BMP6: variants seen among roughly 807,000 people sequenced by gnomAD.
BMP6 encodes VG-1-R.
Under a neutral mutation model 54.1 loss-of-function variants are expected in BMP6, and 17 were observed. The ratio of observed to expected loss-of-function variants is 0.31; its 90% CI spans 0.22 to 0.47. The LOEUF is 0.47. Ranked by LOEUF, BMP6 falls within the 20% of genes least tolerant of loss-of-function variation. The probability of loss-of-function intolerance (pLI) is 1.00; values close to 1 mark genes in which losing one functional copy is unlikely to be tolerated. For missense variants in BMP6, 720 were observed against 690.4 expected (o/e 1.04, Z -0.48); for synonymous variants, 328 against 291.2 (o/e 1.13, Z -1.28).
intron 1 of BMP6, among the ~76,000 whole-genome samples, chr6:7,825,204 C>T (rs528551401): frequency 1.4e-5 from 2 of 141,684 alleles, no homozygotes; most frequent in South Asian, 4.6e-4. Flanking sequence ...CCTCTAGTTC[C>T]AGGAGTTCAA....
rs1184393395 is a variant in BMP6 at position 7,793,955 on chromosome 6, A to G, written c.665-51185A>G. ...CCAGGCTCGCATCTGCTGCTTTCAT[A>G]CTGCATGGCATTTTCAGAGCTGCCA... is the stretch of plus-strand genomic sequence containing the variant. On this transcript the variant is annotated intron_variant, in intron 1 of 6. Coordinates refer to ENST00000283147, the MANE Select transcript of BMP6 (RefSeq NM_001718.6). 2.6e-5 allele frequency among the ~76,000 whole-genome samples: 4 copies of G among 152,140 alleles called. No individual in the cohort carries two copies. In the East Asian group the frequency reaches 7.7e-4, roughly 29 times the overall value.
intron 1 of BMP6, among the ~76,000 whole-genome samples, chr6:7,773,212 A>G (rs1232476685): frequency 6.6e-6 from 1 of 152,208 alleles, no homozygotes; most frequent in Non-Finnish European, 1.5e-5. Context: ...CTAACACCCC[A>G]GTGTGACCCT....
At chr6:7,799,529 G>T (rs1302613287) in intron 1 of BMP6, among the ~76,000 whole-genome samples, 1 of 152,042 alleles carries the variant, frequency 6.6e-6, no homozygotes, top group Non-Finnish European at 1.5e-5. Context: ...TATAAATAAG[G>T]AGTATAGACA....
chr6:7,778,772 C>T (rs966520087), intron 1 of BMP6, among the ~76,000 whole-genome samples: 4 of 152,192 alleles, frequency 2.6e-5, no homozygotes, highest in African/African-American at 9.6e-5. Flanking sequence ...GAACTGGAAT[C>T]GAGTCTGGAC....
At chr6:7,737,054 A>G (rs953170348) in intron 1 of BMP6, among the ~76,000 whole-genome samples, 1 of 151,962 alleles carries the variant, frequency 6.6e-6, no homozygotes, top group African/African-American at 2.4e-5. Context: ...CAGGCGTGGG[A>G]GCACACCTGT....
At chr6:7,766,186 T>C (rs188475350) in intron 1 of BMP6, among the ~76,000 whole-genome samples, 1 of 151,642 alleles carries the variant, frequency 6.6e-6, no homozygotes, top group Admixed American at 6.6e-5. Context: ...GTGCTTCCAG[T>C]TTTTTTTTGT....
intron 1 of BMP6, among the ~76,000 whole-genome samples, chr6:7,729,561 C>G (rs1183831859): frequency 2.6e-5 from 4 of 152,116 alleles, no homozygotes. Context: ...AGGGCCGCTT[C>G]GTGGGCCCAG....
chr6:7,866,717 T>A (rs775776090), intron 4 of BMP6, among the ~76,000 whole-genome samples: 1 of 152,178 alleles, frequency 6.6e-6, no homozygotes, highest in Admixed American at 6.5e-5. Context: ...ACTTTAATGA[T>A]CCATGTGAAA....
At chr6:7,731,334 A>T (rs1209653262) in intron 1 of BMP6, among the ~76,000 whole-genome samples, 1 of 152,172 alleles carries the variant, frequency 6.6e-6, no homozygotes, top group Non-Finnish European at 1.5e-5. Context: ...CTTAGCTTAA[A>T]ATTCACCTAA....
chr6:7,869,228 G>T (rs781464178), intron 4 of BMP6, among the ~76,000 whole-genome samples: 1 of 152,178 alleles, frequency 6.6e-6, no homozygotes, highest in Non-Finnish European at 1.5e-5. Flanking sequence ...TTCTCCTCTG[G>T]GTCTCATACC....
intron 1 of BMP6, among the ~76,000 whole-genome samples, chr6:7,773,219 C>T (rs1273532713): frequency 6.6e-6 from 1 of 152,220 alleles, no homozygotes; most frequent in Non-Finnish European, 1.5e-5. Flanking sequence ...CCCAGTGTGA[C>T]CCTCCCTCTG....
intron 1 of BMP6, among the ~76,000 whole-genome samples, chr6:7,767,190 G>A (rs577371670): frequency 3.3e-5 from 5 of 151,858 alleles, no homozygotes; most frequent in Admixed American, 2.0e-4. Flanking sequence ...GTTTCACCGC[G>A]GTCTCGATCT....
At chr6:7,845,481 G>A (rs1238565809) in intron 2 of BMP6, 149 bp downstream of exon 2, 1 of 604,182 alleles carries the variant, frequency 1.7e-6, no homozygotes, top group Non-Finnish European at 2.6e-6. Flanking sequence ...GTAAATGGGA[G>A]TGTTTAGCTG....
At chr6:7,746,777 G>A (rs1043871858) in intron 1 of BMP6, among the ~76,000 whole-genome samples, 8 of 152,206 alleles carry the variant, frequency 5.3e-5, no homozygotes, top group Admixed American at 2.0e-4. Context: ...TGCCGTCACG[G>A]TGCAGACGGT....
intron 1 of BMP6, among the ~76,000 whole-genome samples, chr6:7,728,150 G>C (rs1761781709): frequency 6.6e-6 from 1 of 151,938 alleles, no homozygotes; most frequent in South Asian, 2.1e-4. Flanking sequence ...TATGTTTAGA[G>C]GTATCCACGG....
intron 1 of BMP6, among the ~76,000 whole-genome samples, chr6:7,844,479 C>T (rs1759028428): frequency 6.6e-6 from 1 of 152,030 alleles, no homozygotes; most frequent in Admixed American, 6.5e-5. Context: ...GTGGAGAGTC[C>T]CCCACTGCTC....
chr6:7,729,498 A>G (rs917884084), intron 1 of BMP6, among the ~76,000 whole-genome samples: 5 of 152,180 alleles, frequency 3.3e-5, no homozygotes, highest in Non-Finnish European at 1.5e-5. Context: ...CGAGGTTCTC[A>G]GCATTAGCTG....
At position 7,780,163 on chromosome 6, in the gene BMP6, T is replaced by G. The variant is rs111920127; in HGVS notation, c.664+52544T>G. On this transcript the variant is annotated intron_variant, in intron 1 of 6. Coordinates refer to ENST00000283147, the MANE Select transcript of BMP6 (RefSeq NM_001718.6). ...AAGCAGGAATAAATGTTCTCGCACTTGTGTTGTGTTTCTGTGATCAGTTTA... is the reference window on the plus strand; with the variant it reads ...AAGCAGGAATAAATGTTCTCGCACTGGTGTTGTGTTTCTGTGATCAGTTTA... Among the ~76,000 whole-genome samples the G allele has an allele frequency of 5.1e-3, 784 of 152,314 alleles. 12 individuals are homozygous for G. The highest frequency in any genetic ancestry group is 0.018 in the African/African-American group (741 of 41,558).
chr6:7,800,138 C>T (rs1270202358), intron 1 of BMP6, among the ~76,000 whole-genome samples: 2 of 151,034 alleles, frequency 1.3e-5, no homozygotes, highest in African/African-American at 4.9e-5. Flanking sequence ...AAAGAAGCCA[C>T]CCTGGCATAT....
Sources: gnomAD v4.1 joint callset for allele counts (sites outside exome capture counted in the v4.1 genomes callset) on GRCh38, gnomAD v4.1.1 for gene constraint, MANE v1.5 for transcripts, NCBI Gene and HGNC (gene_info 2026-07-23, HGNC 2026-07-21) for gene names.